The following BRD4 variants were observed in gnomAD, a reference collection of about 807,000 sequenced individuals.
BRD4 encodes bromodomain-containing protein 4.
In BRD4, 16 loss-of-function variants were observed where a neutral mutation model predicts 142.1. The ratio of observed to expected loss-of-function variants is 0.11; its 90% CI spans 0.08 to 0.17. The LOEUF is 0.17. Among genes scored for constraint, BRD4 ranks in the 10% least tolerant of loss-of-function variants. BRD4 has a pLI of 1.00. For missense variants in BRD4, 1,424 were observed against 1,810.9 expected (o/e 0.79, Z 3.88); for synonymous variants, 833 against 707.5 (o/e 1.18, Z -2.82).
chr19:15,280,309 T>C, intron 1 of BRD4: 1 of 1,011,742 alleles, frequency 9.9e-7, no homozygotes, highest in South Asian at 4.7e-5. Flanking sequence ...CCAGTCATCC[T>C]ACACGGGTCT....
At chr19:15,260,606 A>G (rs1296303576) in intron 7 of BRD4, among the ~76,000 whole-genome samples, 2 of 152,082 alleles carry the variant, frequency 1.3e-5, no homozygotes, top group Non-Finnish European at 2.9e-5. Flanking sequence ...GCCCACCTAC[A>G]GCACCCCCCA....
At chr19:15,328,061 G>A (rs2048125083) in intron 1 of BRD4, among the ~76,000 whole-genome samples, 1 of 152,000 alleles carries the variant, frequency 6.6e-6, no homozygotes, top group South Asian at 2.1e-4. Flanking sequence ...TGTTTGGTAG[G>A]ATTTTACAAT....
rs1017018376 is a variant in BRD4, at chr19:15,323,178, T to TAAAAAAAAAAAAAAAA, written c.-35+9096_-35+9111dup. On this transcript the variant is annotated intron_variant, in intron 1 of 19. Transcript: ENST00000679869. ...GCAACACAGCAAGACTCCATCTCTT[T>TAAAAAAAAAAAAAAAA]AAAAAAAAAAAAAAAAAAAAAAAAA... 5.5e-5 allele frequency among the ~76,000 whole-genome samples: 4 copies of TAAAAAAAAAAAAAAAA among 73,070 alleles called. 1 individual carries two copies. Among genetic ancestry groups the TAAAAAAAAAAAAAAAA allele is most frequent in the South Asian group, 6.4e-4 (1 of 1,568 alleles). The allele number at this position is 73,070 out of a possible 152,430, so 47.9% of individuals were successfully genotyped here. A position where few individuals can be genotyped will look rare whatever the true frequency, so the allele number is the denominator to read the frequency against.
At chr19:15,314,445 A>G (rs2047999512) in intron 1 of BRD4, among the ~76,000 whole-genome samples, 1 of 152,252 alleles carries the variant, frequency 6.6e-6, no homozygotes, top group African/African-American at 2.4e-5. Context: ...CTGTGTTCTT[A>G]CTACACAGGG....
intron 1 of BRD4, among the ~76,000 whole-genome samples, chr19:15,279,550 C>A (rs1468579184): frequency 3.3e-5 from 5 of 152,140 alleles, no homozygotes; most frequent in African/African-American, 1.2e-4. Context: ...TGAACCCACT[C>A]ATCACAAAGC....
chr19:15,293,806 G>A lies in BRD4; in HGVS notation c.-34-20673C>T, dbSNP rs145486462. On this transcript the variant is annotated intron_variant, in intron 1 of 19. Transcript: ENST00000679869. ...AAAAAGAAACTCTACCCACTCAACA[G>A]TAACTCCTTAATCCTCCTGCTCGTG... is the stretch of plus-strand genomic sequence containing the variant. 2.4e-4 allele frequency among the ~76,000 whole-genome samples: 36 copies of A among 152,270 alleles called. No homozygotes were observed. In the East Asian group the frequency reaches 6.4e-3, roughly 27 times the overall value.
At chr19:15,271,013 G>A (rs1051264890) in intron 2 of BRD4, among the ~76,000 whole-genome samples, 5 of 152,142 alleles carry the variant, frequency 3.3e-5, no homozygotes, top group Non-Finnish European at 5.9e-5. Context: ...GACCAAGAAC[G>A]TCCTGGCCAC....
At chr19:15,243,831 G>C (rs1057384067) in intron 13 of BRD4, among the ~76,000 whole-genome samples, 12 of 152,138 alleles carry the variant, frequency 7.9e-5, no homozygotes, top group Admixed American at 5.2e-4. Context: ...ATATCCCCCA[G>C]GTGAGTGCTG....
chr19:15,267,690 A>G, intron 3 of BRD4, 139 bp from the exon 4 acceptor site: 1 of 956,744 alleles, frequency 1.0e-6, no homozygotes. Flanking sequence ...CTGCACCCAA[A>G]GGAGCCACAA....
At chr19:15,249,291 C>G in intron 11 of BRD4, 1 of 1,613,922 alleles carries the variant, frequency 6.2e-7, no homozygotes, top group Non-Finnish European at 8.5e-7. Context: ...TAGGCAGGAC[C>G]TACGTAGAGG....
chr19:15,301,641 C>A (rs1421540470), intron 1 of BRD4, among the ~76,000 whole-genome samples: 2 of 151,282 alleles, frequency 1.3e-5, no homozygotes, highest in Non-Finnish European at 2.9e-5. Context: ...GTGGACAGAT[C>A]ACGAGGTCAG....
chr19:15,294,643 A>C (rs953218917), intron 1 of BRD4, among the ~76,000 whole-genome samples: 2 of 152,164 alleles, frequency 1.3e-5, no homozygotes, highest in African/African-American at 4.8e-5. Flanking sequence ...CGTGCTCCAA[A>C]TGTTCATCGA....
chr19:15,292,777 C>CAAAAAAAAAAAAAAAAAAAAAAAAAAA (rs57341445), intron 1 of BRD4, among the ~76,000 whole-genome samples: 7 of 57,256 alleles, frequency 1.2e-4, no homozygotes, highest in Non-Finnish European at 1.9e-4. Context: ...GACTCCGTCT[C>CAAAAAAAAAAAAAAAAAAAAAAAAAAA]AAAAAAAAAA....
chr19:15,263,587 C>T, intron 6 of BRD4, 39 bp from the exon 7 acceptor site: 5 of 1,608,162 alleles, frequency 3.1e-6, no homozygotes, highest in Non-Finnish European at 3.4e-6. Context: ...TGTGTCTGCC[C>T]ATGTGACCAT....
intron 1 of BRD4, among the ~76,000 whole-genome samples, chr19:15,330,389 G>A (rs980316039): frequency 6.6e-6 from 1 of 152,100 alleles, no homozygotes; most frequent in Non-Finnish European, 1.5e-5. Flanking sequence ...GGAAGCGCTT[G>A]GTTATCTACA....
rs528356816 is a variant in BRD4, at chr19:15,254,325, A to G, written c.2048-63T>C. The G allele has an allele frequency of 6.9e-5, 93 of 1,351,836 alleles. 1 individual carries two copies. In the East Asian group the frequency reaches 2.1e-3, roughly 31 times the overall value. 83.7% of individuals were successfully genotyped at this position (1,351,836 alleles called of 1,614,324 possible). ...GTGGCCCAGGAAGCCGCTCTAAGCC[A>G]TGGGCACACCCCATCCATCTGGAGG... On this transcript the variant is annotated intron_variant, in intron 10 of 19. Coordinates refer to ENST00000679869, the MANE Select transcript of BRD4 (RefSeq NM_001379291.1).
chr19:15,325,127 C>T (rs1362228997), intron 1 of BRD4, among the ~76,000 whole-genome samples: 1 of 152,184 alleles, frequency 6.6e-6, no homozygotes, highest in Non-Finnish European at 1.5e-5. Flanking sequence ...GAGGGCACAG[C>T]ACTGCTGCCA....
In BRD4 at chr19:15,239,080, C is replaced by CGCTCCT. The variant is rs1568375866; in HGVS notation, c.3755_3760dup (p.Glu1253_Arg1254insGlnGlu). ...CCACCTCATGCGCTCCTGCCGCAGC[C>CGCTCCT]GCTCCTTCTCCTTCTCAGCGTGCTC... On this transcript the variant is annotated inframe_insertion, in exon 18 of 20. Transcript: ENST00000679869. The surrounding 1 kb of genome is among the most constrained non-coding windows in gnomAD (Gnocchi z 7.4). 1 of 1,601,212 alleles carries CGCTCCT rather than the reference C, an allele frequency of 6.2e-7. No homozygotes were observed. The highest frequency in any genetic ancestry group is 8.5e-7 in the Non-Finnish European group (1 of 1,177,070).
rs755246140 is a variant in BRD4, at chr19:15,265,652, CATA to C, written c.560-12_560-10del. 1.2e-5 allele frequency: 19 copies of C among 1,613,958 alleles called. No individual in the cohort carries two copies. The highest frequency in any genetic ancestry group is 1.6e-4 in the Middle Eastern group (1 of 6,082). The stretch of plus-strand genomic sequence containing the variant: ...GCCAGGTTTTGCTGTCCCTACAAAT[CATA>C]ATAAGACGGCGAGTTAGAGACCATG... On this transcript the variant is annotated splice_polypyrimidine_tract_variant and intron_variant, in intron 4 of 19. Coordinates refer to ENST00000679869, the MANE Select transcript of BRD4 (RefSeq NM_001379291.1).
Sources: gnomAD v4.1 joint callset for allele counts (sites outside exome capture counted in the v4.1 genomes callset) on GRCh38, gnomAD v4.1.1 for gene constraint, Gnocchi (gnomAD v3.1) non-coding constraint, MANE v1.5 for transcripts, NCBI Gene and HGNC (gene_info 2026-07-23, HGNC 2026-07-21) for gene names.